The following GABRB1 variants were observed in gnomAD, a reference collection of about 807,000 sequenced individuals.
GABRB1 encodes the protein gamma-aminobutyric acid receptor subunit beta-1.
GABRB1 carries 17 observed loss-of-function variants against 51.6 expected under a neutral mutation model. That is an observed-to-expected ratio of 0.33 (90% CI 0.23 to 0.49). The LOEUF (loss-of-function observed/expected upper bound fraction) is 0.49. Among genes scored for constraint, GABRB1 ranks in the 20% least tolerant of loss-of-function variants. The pLI, the probability that GABRB1 is intolerant of heterozygous loss-of-function variation, is 0.99. For synonymous variants in GABRB1, 247 were observed against 218.9 expected, an observed-to-expected ratio of 1.13 and a Z score of -1.14; for missense variants, 410 against 600.6, an observed-to-expected ratio of 0.68 and a Z score of 3.32.
chr4:47,088,378 G>A (rs1476410264), intron 3 of GABRB1, among the ~76,000 whole-genome samples: 5 of 152,294 alleles, frequency 3.3e-5, no homozygotes, highest in Non-Finnish European at 7.3e-5. Context: ...GGAGATACAG[G>A]AGGCCTCTCT....
chr4:47,393,842 C>G (rs540477701), intron 5 of GABRB1, among the ~76,000 whole-genome samples: 1 of 152,320 alleles, frequency 6.6e-6, no homozygotes, highest in Non-Finnish European at 1.5e-5. Context: ...CCACACCTAA[C>G]CCACTGCATA....
At chr4:47,417,455 C>T (rs573602774) in intron 8 of GABRB1, among the ~76,000 whole-genome samples, 2 of 152,018 alleles carry the variant, frequency 1.3e-5, no homozygotes, top group Admixed American at 6.6e-5. Flanking sequence ...TCTCCTCCCC[C>T]CGAGAAAAGG....
intron 5 of GABRB1, among the ~76,000 whole-genome samples, chr4:47,329,512 A>G (rs1284274945): frequency 6.7e-6 from 1 of 148,774 alleles, no homozygotes; most frequent in Non-Finnish European, 1.5e-5. Context: ...ATATTTACAT[A>G]TTTTTAGAAA....
chr4:47,164,452 TTTTAGGC>T (rs2109743253), intron 4 of GABRB1, among the ~76,000 whole-genome samples: 1 of 152,210 alleles, frequency 6.6e-6, no homozygotes, highest in African/African-American at 2.4e-5. Context: ...GCTGTATTTA[TTTTAGGC>T]ATGAGTAATT....
At chr4:47,074,153 G>A (rs1453181996) in intron 3 of GABRB1, among the ~76,000 whole-genome samples, 1 of 152,026 alleles carries the variant, frequency 6.6e-6, no homozygotes, top group Non-Finnish European at 1.5e-5. Flanking sequence ...CTCACAAACG[G>A]AACAGTGAAT....
chr4:47,012,277 C>G (rs1724604091), intron 1 of GABRB1, among the ~76,000 whole-genome samples: 1 of 152,050 alleles, frequency 6.6e-6, no homozygotes. Context: ...GTTTGTTGTA[C>G]AGATTATTTC....
intron 3 of GABRB1, among the ~76,000 whole-genome samples, chr4:47,104,168 A>G (rs1714846902): frequency 6.6e-6 from 1 of 151,782 alleles, no homozygotes; most frequent in African/African-American, 2.4e-5. Context: ...CACTGAATAT[A>G]GAAGTATAGG....
chr4:47,380,285 G>A (rs915735257), intron 5 of GABRB1, among the ~76,000 whole-genome samples: 4 of 152,160 alleles, frequency 2.6e-5, no homozygotes, highest in South Asian at 2.1e-4. Flanking sequence ...GATAATCTTC[G>A]ACAGGGAAGA....
At chr4:47,119,296 A>G (rs987590380) in intron 3 of GABRB1, among the ~76,000 whole-genome samples, 31 of 152,090 alleles carry the variant, frequency 2.0e-4, no homozygotes, top group African/African-American at 5.5e-4. Context: ...ATATACATAA[A>G]ACCCAAAGTA....
At chr4:47,415,137 C>A (rs1215255223) in intron 8 of GABRB1, among the ~76,000 whole-genome samples, 1 of 152,174 alleles carries the variant, frequency 6.6e-6, no homozygotes, top group Non-Finnish European at 1.5e-5. Flanking sequence ...CTCTTATTTT[C>A]TATTTTTTTC....
intron 5 of GABRB1, among the ~76,000 whole-genome samples, chr4:47,388,092 G>T (rs1578139461): frequency 6.6e-6 from 1 of 152,008 alleles, no homozygotes; most frequent in East Asian, 1.9e-4. Context: ...TTAATCAAGG[G>T]TCTTAAACGG....
At chr4:47,002,828 A>T (rs1724270745) in intron 1 of GABRB1, among the ~76,000 whole-genome samples, 1 of 152,216 alleles carries the variant, frequency 6.6e-6, no homozygotes, top group South Asian at 2.1e-4. Flanking sequence ...TACTGCATGG[A>T]GTGGCATTAA....
At position 47,118,272 on chromosome 4, in the gene GABRB1, T is replaced by C. The variant is rs143133283; in HGVS notation, c.241-42977T>C. ...AATATTTTGCCCTTTAAAATACTAG[T>C]TTGCTTTTGCATTTGCCATGTAATT... On this transcript the variant is annotated intron_variant, in intron 3 of 8. Coordinates refer to ENST00000295454, the MANE Select transcript of GABRB1 (RefSeq NM_000812.4). Among the ~76,000 whole-genome samples, 37 of 152,258 alleles carry C rather than the reference T, an allele frequency of 2.4e-4. No homozygotes were observed. In the East Asian group the frequency reaches 5.0e-3, roughly 21 times the overall value.
At chr4:46,995,931 A>C (rs1258216338) in intron 1 of GABRB1, among the ~76,000 whole-genome samples, 1 of 152,168 alleles carries the variant, frequency 6.6e-6, no homozygotes. Context: ...TCAGCTGAAG[A>C]TAATACTAAA....
chr4:47,412,392 A>G (rs7690580), intron 8 of GABRB1, among the ~76,000 whole-genome samples: 25,087 of 152,100 alleles, frequency 0.16, 2,872 homozygotes, highest in African/African-American at 0.32. Context: ...ACTCGTACAT[A>G]TTCATAATAA....
chr4:47,070,751 A>C (rs1165269523), intron 3 of GABRB1, among the ~76,000 whole-genome samples: 1 of 152,082 alleles, frequency 6.6e-6, no homozygotes, highest in Non-Finnish European at 1.5e-5. Flanking sequence ...TTATCTCCTA[A>C]TGTCTAAACT....
rs1002751189 is a variant in GABRB1 at position 47,299,290 on chromosome 4, G to A, written c.462-20837G>A. Among the ~76,000 whole-genome samples, 428 of 152,190 alleles carry A rather than the reference G, an allele frequency of 2.8e-3. 2 individuals are homozygous for A. Among genetic ancestry groups the A allele is most frequent in the African/African-American group, 9.6e-3 (400 of 41,530 alleles). ...TGCACAGCAAAAGAAACTACCATCA[G>A]AGTGAACAGGCAACCTACAAAATGG... On this transcript the variant is annotated intron_variant, in intron 4 of 8. Coordinates refer to ENST00000295454, the MANE Select transcript of GABRB1 (RefSeq NM_000812.4).
chr4:47,028,502 TAAA>T (rs1725171615), upstream of GABRB1, among the ~76,000 whole-genome samples: 1 of 151,828 alleles, frequency 6.6e-6, no homozygotes, highest in South Asian at 2.1e-4. Context: ...TTTTAAAATA[TAAA>T]TTGCAAATGT....
At chr4:47,204,062 GA>G (rs1284305174) in intron 4 of GABRB1, among the ~76,000 whole-genome samples, 2 of 152,160 alleles carry the variant, frequency 1.3e-5, no homozygotes, top group Non-Finnish European at 2.9e-5. Flanking sequence ...ATAAAAAACT[GA>G]ATTTGGCCTT....
Sources: gnomAD v4.1 joint callset for allele counts (sites outside exome capture counted in the v4.1 genomes callset) on GRCh38, gnomAD v4.1.1 for gene constraint, MANE v1.5 for transcripts, NCBI Gene and HGNC (gene_info 2026-07-23, HGNC 2026-07-21) for gene names.